Variants in CD276 observed in about 807,000 individuals in gnomAD.
The protein encoded by CD276 is CD276 molecule.
In CD276, 34 loss-of-function variants were observed where a neutral mutation model predicts 50.0. That is an observed-to-expected ratio of 0.68 (90% CI 0.52 to 0.91). The LOEUF (loss-of-function observed/expected upper bound fraction) is 0.91. Among genes scored for constraint, CD276 ranks in the 40% least tolerant of loss-of-function variants. The probability of loss-of-function intolerance (pLI) is 0.00; values close to 1 mark genes in which losing one functional copy is unlikely to be tolerated. For missense variants in CD276, 634 were observed against 717.5 expected (o/e 0.88, Z 1.33); for synonymous variants, 275 against 313.0 (o/e 0.88, Z 1.28).
intron 6 of CD276, among the ~76,000 whole-genome samples, chr15:73,707,676 C>T (rs1900701516): frequency 6.6e-6 from 1 of 152,220 alleles, no homozygotes; most frequent in Admixed American, 6.5e-5. Context: ...TCCGCCTTCC[C>T]CCATCTTTTT....
At chr15:73,701,789 T>C (rs1018717047) in intron 2 of CD276, among the ~76,000 whole-genome samples, 10 of 152,090 alleles carry the variant, frequency 6.6e-5, no homozygotes, top group Non-Finnish European at 1.0e-4. Flanking sequence ...GAGAAACCAC[T>C]ATTGACATTT....
intron 7 of CD276, chr15:73,708,755 G>T: frequency 2.2e-6 from 1 of 455,512 alleles, no homozygotes; most frequent in Non-Finnish European, 4.0e-6. Flanking sequence ...GGATGAGTGT[G>T]TGCCAACAAG....
intron 6 of CD276, among the ~76,000 whole-genome samples, chr15:73,708,014 G>C (rs1305625668): frequency 2.0e-5 from 3 of 152,326 alleles, no homozygotes; most frequent in Non-Finnish European, 2.9e-5. Flanking sequence ...GTAAGCAGCA[G>C]CCAACTTCTA....
At chr15:73,690,599 G>A in intron 1 of CD276, 2 of 439,842 alleles carry the variant, frequency 4.5e-6, no homozygotes, top group Non-Finnish European at 9.2e-6. Flanking sequence ...ACAGTATGGG[G>A]GCAGCACTTA....
rs1385085340 is a variant in CD276, at chr15:73,702,851, C to T, written c.498C>T (p.Ser166=). The T allele has an allele frequency of 6.2e-7, 1 of 1,614,172 alleles. No individual in the cohort carries two copies. Among genetic ancestry groups the T allele is most frequent in the Non-Finnish European group, 8.5e-7 (1 of 1,180,046 alleles). ...GGGACACGGTGACCATCACGTGCTC[C>T]AGCTACCAGGGCTACCCTGAGGCTG... is the stretch of plus-strand genomic sequence containing the variant. The part of the protein sequence containing the change: ...RPGDTVTITC[S]SYQGYPEAEV... The change falls in exon 4 of 10, where the codon TCC becomes TCT. Residue 166 remains serine, a synonymous_variant. Coordinates refer to ENST00000318443, the MANE Select transcript of CD276 (RefSeq NM_001024736.2).
At chr15:73,707,435 CTCTA>C (rs1294202820) in intron 6 of CD276, among the ~76,000 whole-genome samples, 2 of 152,186 alleles carry the variant, frequency 1.3e-5, no homozygotes, top group African/African-American at 4.8e-5. Flanking sequence ...GACGTGACAG[CTCTA>C]AGAGGAGGGG....
Position 73,713,696 on chromosome 15 carries a change from G to C in CD276, c.*740G>C. ...CCCCTGGCCCAGCCTCCTCTGCAGT[G>C]CCCCTCTCCCCTGCCCATCCTCCCC... On this transcript the variant is annotated 3_prime_UTR_variant, in exon 10 of 10. Coordinates refer to ENST00000318443, the MANE Select transcript of CD276 (RefSeq NM_001024736.2). 2.4e-6 allele frequency: 1 copy of C among 424,926 alleles called. No homozygotes were observed. The highest frequency in any genetic ancestry group is 4.7e-6 in the Non-Finnish European group (1 of 214,976). The allele number at this position is 424,926 out of a possible 1,614,324, so 26.3% of individuals were successfully genotyped here. A position where few individuals can be genotyped will look rare whatever the true frequency, so the allele number is the denominator to read the frequency against.
chr15:73,709,144 C>T (rs376274039), intron 7 of CD276, among the ~76,000 whole-genome samples: 22 of 151,868 alleles, frequency 1.4e-4, no homozygotes, highest in South Asian at 1.0e-3. Context: ...AGCAGGTAGA[C>T]GGCTGGTTGG....
chr15:73,708,297 G>T, intron 6 of CD276, 42 bp from the exon 7 acceptor site: 1 of 1,606,010 alleles, frequency 6.2e-7, no homozygotes, highest in Non-Finnish European at 8.5e-7. Context: ...CGGGACATGG[G>T]GCCAGGCATG....
rs557844886 is a variant in CD276 at position 73,699,829 on chromosome 15, C to T, written c.79+111C>T. Reference sequence around the variant, plus strand: ...GCCAAGCCAGCTCTGGCTAGCAGGGCCATACCTTACTTCCACCTGTGGGAT... The same window carrying T: ...GCCAAGCCAGCTCTGGCTAGCAGGGTCATACCTTACTTCCACCTGTGGGAT... On this transcript the variant is annotated intron_variant, in intron 2 of 9. Coordinates refer to ENST00000318443, the MANE Select transcript of CD276 (RefSeq NM_001024736.2). The T allele has an allele frequency of 7.9e-6, 10 of 1,270,500 alleles. No individual in the cohort carries two copies. The South Asian group carries it at 1.5e-4, about 19-fold the overall frequency. 78.7% of individuals were successfully genotyped at this position (1,270,500 alleles called of 1,614,324 possible).
Position 73,702,239 on chromosome 15 carries a change from C to T in CD276, c.80-16C>T. On this transcript the variant is annotated splice_polypyrimidine_tract_variant and intron_variant, in intron 2 of 9. Transcript: ENST00000318443. Reference sequence around the variant, plus strand: ...CTCAGTCCCCCTTATATGTTCTCCACTCCCCCTACCCCCAGGAGCCCTGGA... The same window carrying T: ...CTCAGTCCCCCTTATATGTTCTCCATTCCCCCTACCCCCAGGAGCCCTGGA... The T allele has an allele frequency of 6.3e-7, 1 of 1,585,958 alleles. No individual in the cohort carries two copies. Among genetic ancestry groups the T allele is most frequent in the Non-Finnish European group, 8.6e-7 (1 of 1,166,370 alleles).
chr15:73,713,524 C>A lies in CD276; in HGVS notation c.*568C>A. On this transcript the variant is annotated 3_prime_UTR_variant, in exon 10 of 10. Coordinates refer to ENST00000318443, the MANE Select transcript of CD276 (RefSeq NM_001024736.2). ...TCTCCTGGAGTCTAGAAGCTGTTTC[C>A]TTTCCCCTCCTTCCTCCTCTTGCTC... 1 of 290,952 alleles carries A rather than the reference C, an allele frequency of 3.4e-6. No individual in the cohort carries two copies. Among genetic ancestry groups the A allele is most frequent in the Non-Finnish European group, 6.6e-6 (1 of 151,386 alleles). The allele number at this position is 290,952 out of a possible 1,614,324, so 18.0% of individuals were successfully genotyped here.
At chr15:73,694,413 G>A (rs186259313) in intron 1 of CD276, among the ~76,000 whole-genome samples, 2 of 152,208 alleles carry the variant, frequency 1.3e-5, no homozygotes, top group Admixed American at 1.3e-4. Context: ...AATGCTCATC[G>A]GGTACGGAGA....
intron 1 of CD276, among the ~76,000 whole-genome samples, chr15:73,688,318 C>G (rs1433219552): frequency 6.6e-6 from 1 of 152,144 alleles, no homozygotes; most frequent in Non-Finnish European, 1.5e-5. Context: ...ATAATTATTA[C>G]TGCAGTTTTG....
chr15:73,707,121 G>T (rs1364202267), intron 6 of CD276, among the ~76,000 whole-genome samples: 1 of 152,256 alleles, frequency 6.6e-6, no homozygotes, highest in East Asian at 1.9e-4. Flanking sequence ...GGTGACATCT[G>T]CAGATCCATG....
intron 2 of CD276, among the ~76,000 whole-genome samples, chr15:73,700,696 AAAT>A (rs1900344683): frequency 6.6e-6 from 1 of 152,140 alleles, no homozygotes; most frequent in Admixed American, 6.5e-5. Context: ...TTCACAATAA[AAAT>A]AATAACCATA....
rs1372607346 is a variant in CD276, at chr15:73,708,461, G to A, written c.1492G>A (p.Glu498Lys). 3.1e-6 allele frequency: 5 copies of A among 1,613,626 alleles called. No individual in the cohort carries two copies. Among genetic ancestry groups the A allele is most frequent in the African/African-American group, 2.7e-5 (2 of 75,040 alleles). Reference sequence around the variant, plus strand: ...GAGAAAGATCAAACAGAGCTGTGAGGAGGAGAATGCAGGTGAGTGTGTGTG... The same window carrying A: ...GAGAAAGATCAAACAGAGCTGTGAGAAGGAGAATGCAGGTGAGTGTGTGTG... Reference protein sequence around the residue: ...CWRKIKQSCEEENAGAEDQDG... With the variant: ...CWRKIKQSCEKENAGAEDQDG... The change falls in exon 7 of 10, where the codon GAG becomes AAG. Residue 498 changes from glutamate (E) to lysine (K), a missense_variant. Transcript: ENST00000318443.
intron 1 of CD276, among the ~76,000 whole-genome samples, chr15:73,697,943 G>A (rs77202742): frequency 2.6e-5 from 4 of 152,302 alleles, no homozygotes; most frequent in East Asian, 3.9e-4. Context: ...TTAGGAGGAC[G>A]TGAAATCATT....
At chr15:73,699,783 C>T (rs1596010280) in intron 2 of CD276, 65 bp downstream of exon 2, 3 of 1,511,114 alleles carry the variant, frequency 2.0e-6, no homozygotes, top group Non-Finnish European at 1.8e-6. Flanking sequence ...GGAGGGGGTG[C>T]CCACGCCTGT....
Sources: gnomAD v4.1 joint callset for allele counts (sites outside exome capture counted in the v4.1 genomes callset) on GRCh38, gnomAD v4.1.1 for gene constraint, MANE v1.5 for transcripts, NCBI Gene and HGNC (gene_info 2026-07-23, HGNC 2026-07-21) for gene names.